MYO1B: variants seen among roughly 807,000 people sequenced by gnomAD.
The protein encoded by MYO1B is unconventional myosin-Ib.
In MYO1B, 72 loss-of-function variants were observed where a neutral mutation model predicts 159.7. The ratio of observed to expected loss-of-function variants is 0.45; its 90% CI spans 0.37 to 0.55. MYO1B has a LOEUF of 0.55. MYO1B is among the 20% of genes least tolerant of loss of function. MYO1B has a pLI of 0.00. For synonymous variants in MYO1B, 468 were observed against 473.8 expected, an observed-to-expected ratio of 0.99 and a Z score of 0.16; for missense variants, 1,062 against 1,364.8, an observed-to-expected ratio of 0.78 and a Z score of 3.50.
chr2:191,259,249 A>G (rs1459570863), intron 1 of MYO1B, among the ~76,000 whole-genome samples: 1 of 152,176 alleles, frequency 6.6e-6, no homozygotes, highest in African/African-American at 2.4e-5. Flanking sequence ...CAAGCATAAT[A>G]GGATTTAGGG....
chr2:191,352,383 A>C (rs1408955238), intron 7 of MYO1B, among the ~76,000 whole-genome samples: 1 of 152,226 alleles, frequency 6.6e-6, no homozygotes, highest in Non-Finnish European at 1.5e-5. Context: ...TACAGAACTT[A>C]TAGCTGAACA....
intron 13 of MYO1B, among the ~76,000 whole-genome samples, chr2:191,377,242 C>T (rs1559214555): frequency 6.6e-6 from 1 of 152,170 alleles, no homozygotes; most frequent in East Asian, 1.9e-4. Flanking sequence ...GCAGCCTCAG[C>T]TTCATTTAGG....
At chr2:191,302,902 G>A (rs1025874211) in intron 3 of MYO1B, among the ~76,000 whole-genome samples, 1 of 152,200 alleles carries the variant, frequency 6.6e-6, no homozygotes, top group Non-Finnish European at 1.5e-5. Context: ...TTGTCCAGAA[G>A]TGAGCCCTCC....
At chr2:191,342,858 G>C (rs1463121881) in intron 5 of MYO1B, among the ~76,000 whole-genome samples, 1 of 150,112 alleles carries the variant, frequency 6.7e-6, no homozygotes, top group Non-Finnish European at 1.5e-5. Context: ...AACAAACAAA[G>C]AAAAAAAACT....
At chr2:191,340,159 A>G (rs11892998) in intron 4 of MYO1B, among the ~76,000 whole-genome samples, 65,884 of 151,790 alleles carry the variant, frequency 0.43, 14,996 homozygotes, top group African/African-American at 0.58. Flanking sequence ...TCTGGGTCCC[A>G]GTTACGGAAC....
At chr2:191,402,418 C>G in intron 23 of MYO1B, 1 of 554,906 alleles carries the variant, frequency 1.8e-6, no homozygotes, top group Non-Finnish European at 3.2e-6. Context: ...ACAGATTGTC[C>G]TTCTCTGGAA....
intron 11 of MYO1B, among the ~76,000 whole-genome samples, chr2:191,364,963 A>C (rs1401966034): frequency 2.0e-5 from 3 of 150,568 alleles, no homozygotes; most frequent in African/African-American, 7.5e-5. Flanking sequence ...GGGAGAAGCC[A>C]AATTGGCCTC....
intron 7 of MYO1B, 45 bp from the exon 8 acceptor site, chr2:191,360,586 G>A: frequency 8.4e-7 from 1 of 1,197,034 alleles, no homozygotes; most frequent in Non-Finnish European, 1.2e-6. Context: ...TGGTGGATTT[G>A]GAAGTGAAAC....
chr2:191,251,262 C>T (rs547754469), intron 1 of MYO1B, among the ~76,000 whole-genome samples: 7 of 152,204 alleles, frequency 4.6e-5, no homozygotes, highest in African/African-American at 7.2e-5. Context: ...AGTCTGCCTG[C>T]GAGCAGCATG....
At position 191,394,179 on chromosome 2, in the gene MYO1B, C is replaced by CTT. The variant is rs1438261327; in HGVS notation, c.2226+958_2226+959dup. Among the ~76,000 whole-genome samples, 5 of 152,278 alleles carry CTT rather than the reference C, an allele frequency of 3.3e-5. 1 individual carries two copies. The highest frequency in any genetic ancestry group is 2.0e-4 in the Admixed American group (3 of 15,284). ...TAAGATTATAACCAGCAGTATAAGTCTTAAAATATGAGTCTGCCCAGCCAT... is the reference window on the plus strand; with the variant it reads ...TAAGATTATAACCAGCAGTATAAGTCTTTTAAAATATGAGTCTGCCCAGCCAT... On this transcript the variant is annotated intron_variant, in intron 20 of 30. Transcript: ENST00000392318.
Position 191,387,295 on chromosome 2 carries a change from G to A in MYO1B, c.1626G>A (p.Met542Ile). The change falls in exon 17 of 31, where the codon ATG becomes ATA. Residue 542 changes from methionine (M) to isoleucine (I), a missense_variant. Around this residue, in one of 5 missense-constraint regions of MYO1B, gnomAD observed 609 missense variants for 744.4 expected, o/e 0.82. Coordinates refer to ENST00000392318, the MANE Select transcript of MYO1B (RefSeq NM_001130158.3). ...DLLYRDLSQA[M>I]WKASHALIKS... ...TCTATCGAGACCTGTCCCAAGCCAT[G>A]TGGAAGGCCAGCCATGCCCTCATCA... The A allele has an allele frequency of 6.2e-7, 1 of 1,614,196 alleles. No individual in the cohort carries two copies. Among genetic ancestry groups the A allele is most frequent in the Non-Finnish European group, 8.5e-7 (1 of 1,180,042 alleles).
At chr2:191,272,672 T>C (rs958143861) in intron 1 of MYO1B, among the ~76,000 whole-genome samples, 2 of 152,248 alleles carry the variant, frequency 1.3e-5, no homozygotes, top group African/African-American at 4.8e-5. Context: ...CTTATCTTTT[T>C]CTTGTAAATC....
In MYO1B at chr2:191,350,819, C is replaced by CAA. The variant is rs60858164; in HGVS notation, c.562+601_562+602dup. Among the ~76,000 whole-genome samples, 13 of 148,614 alleles carry CAA rather than the reference C, an allele frequency of 8.7e-5. No homozygotes were observed. In the South Asian group the frequency reaches 1.7e-3, roughly 19 times the overall value. On this transcript the variant is annotated intron_variant, in intron 7 of 30. Coordinates refer to ENST00000392318, the MANE Select transcript of MYO1B (RefSeq NM_001130158.3). ...TATGTGAAAAGTTAAAAAAAAAAAA[C>CAA]AAAAAAAACACAATCAGATGAGGTC...
chr2:191,352,977 A>G (rs1169357411), intron 7 of MYO1B, among the ~76,000 whole-genome samples: 2 of 152,206 alleles, frequency 1.3e-5, no homozygotes, highest in African/African-American at 4.8e-5. Context: ...ATAGATTGTC[A>G]TTGGCTAAAA....
intron 3 of MYO1B, among the ~76,000 whole-genome samples, chr2:191,320,962 T>G (rs1326264036): frequency 6.6e-6 from 1 of 152,100 alleles, no homozygotes; most frequent in African/African-American, 2.4e-5. Flanking sequence ...ATGGTGCTAT[T>G]CAGGTCCCCA....
At chr2:191,390,234 A>G in intron 17 of MYO1B, 58 bp from the exon 18 acceptor site, 5 of 1,485,142 alleles carry the variant, frequency 3.4e-6, no homozygotes, top group Non-Finnish European at 4.6e-6. Context: ...TTGTGAAAAC[A>G]TAGACAATTA....
At chr2:191,311,948 T>C (rs1404010565) in intron 3 of MYO1B, among the ~76,000 whole-genome samples, 1 of 152,260 alleles carries the variant, frequency 6.6e-6, no homozygotes, top group Non-Finnish European at 1.5e-5. Context: ...ATTTGCCTCC[T>C]TTCCGTAACT....
At chr2:191,285,266 G>A (rs1459412605) in intron 2 of MYO1B, among the ~76,000 whole-genome samples, 1 of 152,156 alleles carries the variant, frequency 6.6e-6, no homozygotes, top group Non-Finnish European at 1.5e-5. Context: ...AAATAAAGAC[G>A]CCTGAGGTGA....
chr2:191,404,986 G>T (rs968268680), intron 24 of MYO1B, among the ~76,000 whole-genome samples: 5 of 152,142 alleles, frequency 3.3e-5, no homozygotes, highest in African/African-American at 1.2e-4. Context: ...TTTCCTGAAA[G>T]ATTTCTGTAT....
Sources: allele counts gnomAD v4.1 joint callset (sites outside exome capture counted in the v4.1 genomes callset), GRCh38; gene constraint gnomAD v4.1.1; regional missense constraint gnomAD v4.1.1; transcripts MANE v1.5; gene names NCBI Gene and HGNC (gene_info 2026-07-23, HGNC 2026-07-21).